PTPRD: variants seen among roughly 807,000 people sequenced by gnomAD.
PTPRD encodes the protein receptor-type tyrosine-protein phosphatase delta.
Under a neutral mutation model 214.5 loss-of-function variants are expected in PTPRD, and 34 were observed. The observed-to-expected ratio is 0.16, with a 90% CI of 0.12 to 0.21. PTPRD has a LOEUF of 0.21. Ranked by LOEUF, PTPRD falls within the 10% of genes least tolerant of loss-of-function variation. The probability of loss-of-function intolerance (pLI) is 1.00; values close to 1 mark genes in which losing one functional copy is unlikely to be tolerated. For synonymous variants in PTPRD, 1,128 were observed against 845.7 expected (o/e 1.33, Z -5.79); for missense variants, 2,545 against 2,398.7 (o/e 1.06, Z -1.27).
At chr9:9,003,910 CT>C (rs2099438626) in intron 11 of PTPRD, among the ~76,000 whole-genome samples, 1 of 152,078 alleles carries the variant, frequency 6.6e-6, no homozygotes, top group Non-Finnish European at 1.5e-5. Flanking sequence ...GATTTGTTGT[CT>C]TTTAAACAAA....
intron 17 of PTPRD, among the ~76,000 whole-genome samples, chr9:8,526,229 CT>C (rs1056567050): frequency 3.0e-5 from 4 of 133,778 alleles, no homozygotes; most frequent in East Asian, 2.2e-4. Flanking sequence ...AAAAAATGAT[CT>C]TTTTTTTTCT....
intron 8 of PTPRD, among the ~76,000 whole-genome samples, chr9:9,475,573 T>A (rs2094963322): frequency 6.6e-6 from 1 of 152,178 alleles, no homozygotes; most frequent in South Asian, 2.1e-4. Flanking sequence ...AACTCTCTTT[T>A]TTCTGTCACC....
At chr9:8,630,292 G>A (rs970258152) in intron 14 of PTPRD, among the ~76,000 whole-genome samples, 36 of 151,802 alleles carry the variant, frequency 2.4e-4, no homozygotes, top group Non-Finnish European at 1.2e-4. Flanking sequence ...GCAAGAGAAA[G>A]TGAACCTAAA....
At chr9:9,503,282 A>C (rs910211126) in intron 8 of PTPRD, among the ~76,000 whole-genome samples, 2 of 66,782 alleles carry the variant, frequency 3.0e-5, no homozygotes, top group Admixed American at 1.5e-4. Context: ...TACCAAAAAA[A>C]GTTTTTTTTT....
At chr9:9,509,153 G>A (rs903592931) in intron 8 of PTPRD, among the ~76,000 whole-genome samples, 4 of 151,646 alleles carry the variant, frequency 2.6e-5, no homozygotes, top group African/African-American at 9.7e-5. Flanking sequence ...GCAATACATG[G>A]AGGAAAAGCC....
intron 11 of PTPRD, among the ~76,000 whole-genome samples, chr9:8,791,629 G>A (rs929410512): frequency 2.0e-5 from 3 of 148,146 alleles, no homozygotes; most frequent in African/African-American, 7.5e-5. Context: ...CCAGTTTCAA[G>A]CGATTCTGGA....
chr9:10,549,667 T>G (rs1291504787), intron 2 of PTPRD, among the ~76,000 whole-genome samples: 2 of 152,130 alleles, frequency 1.3e-5, no homozygotes, highest in Non-Finnish European at 2.9e-5. Context: ...CTCCCTTCCT[T>G]AAGGAGATTC....
chr9:9,090,821 A>T (rs895516802), intron 10 of PTPRD: 3 of 732,248 alleles, frequency 4.1e-6, no homozygotes, highest in Admixed American at 1.9e-5. Flanking sequence ...TGACATCTCA[A>T]TGATATCTTA....
At position 8,795,793 on chromosome 9, in the gene PTPRD, T is replaced by C. The variant is rs139868958; in HGVS notation, c.-103-61847A>G. Among the ~76,000 whole-genome samples, 987 of 152,330 alleles carry C rather than the reference T, an allele frequency of 6.5e-3. 9 individuals are homozygous for C. Among genetic ancestry groups the C allele is most frequent in the African/African-American group, 0.022 (921 of 41,584 alleles). On this transcript the variant is annotated intron_variant, in intron 11 of 45. Transcript: ENST00000381196. Reference sequence around the variant, plus strand: ...AGTCAAAGTTATCTAAAGCAATCTATGCTACTGTTCACTATGTAACATATA... The same window carrying C: ...AGTCAAAGTTATCTAAAGCAATCTACGCTACTGTTCACTATGTAACATATA...
chr9:9,237,835 C>T (rs931539231), intron 9 of PTPRD, among the ~76,000 whole-genome samples: 4 of 152,080 alleles, frequency 2.6e-5, no homozygotes, highest in Non-Finnish European at 4.4e-5. Flanking sequence ...TTCTTGTTGC[C>T]ATGATTTTTG....
chr9:9,647,178 C>A (rs1421355904), intron 7 of PTPRD, among the ~76,000 whole-genome samples: 2 of 152,064 alleles, frequency 1.3e-5, no homozygotes, highest in African/African-American at 4.8e-5. Context: ...CATCTTTCCC[C>A]CCCCTCTTTC....
chr9:9,782,910 T>G (rs2154491533), intron 5 of PTPRD, among the ~76,000 whole-genome samples: 1 of 152,310 alleles, frequency 6.6e-6, no homozygotes, highest in East Asian at 1.9e-4. Flanking sequence ...CAGTACTTTA[T>G]AAATACATGT....
chr9:10,317,907 C>T (rs1258135408), intron 3 of PTPRD, among the ~76,000 whole-genome samples: 1 of 151,872 alleles, frequency 6.6e-6, no homozygotes, highest in African/African-American at 2.4e-5. Context: ...TCCTAAATTC[C>T]AGCTTCACTT....
intron 11 of PTPRD, among the ~76,000 whole-genome samples, chr9:8,894,364 A>AAT (rs2098584044): frequency 6.6e-6 from 1 of 151,614 alleles, no homozygotes; most frequent in African/African-American, 2.4e-5. Flanking sequence ...TCAAAAAAAA[A>AAT]AAAAAAAAAA....
intron 12 of PTPRD, among the ~76,000 whole-genome samples, chr9:8,723,653 AACCTAAAATC>A (rs1165210614): frequency 6.6e-6 from 1 of 152,214 alleles, no homozygotes; most frequent in African/African-American, 2.4e-5. Flanking sequence ...AGTTTCTATC[AACCTAAAATC>A]ACTGTAGATT....
chr9:8,511,044 G>A (rs985732067), intron 21 of PTPRD, among the ~76,000 whole-genome samples: 21 of 151,470 alleles, frequency 1.4e-4, no homozygotes, highest in Middle Eastern at 3.2e-3. Context: ...ATGTATAAAC[G>A]TAAATATTTA....
chr9:10,500,412 T>A, intron 2 of PTPRD, among the ~76,000 whole-genome samples: 1 of 152,022 alleles, frequency 6.6e-6, no homozygotes, highest in South Asian at 2.1e-4. Context: ...TTTTGTTAAT[T>A]TTTAATTTTT....
chr9:10,424,010 C>T lies in PTPRD; in HGVS notation c.-599-82993G>A, dbSNP rs554990277. 5.3e-5 allele frequency among the ~76,000 whole-genome samples: 8 copies of T among 151,950 alleles called. No individual in the cohort carries two copies. The East Asian group carries it at 7.8e-4, about 15-fold the overall frequency. On this transcript the variant is annotated intron_variant, in intron 2 of 45. Transcript: ENST00000381196. Reference sequence around the variant, plus strand: ...TTTTCAGAATTCAACAAATTAATTGCGGAAAGCTACTTCAGCGACTAAAAA... The same window carrying T: ...TTTTCAGAATTCAACAAATTAATTGTGGAAAGCTACTTCAGCGACTAAAAA...
intron 11 of PTPRD, among the ~76,000 whole-genome samples, chr9:8,986,091 G>A (rs1468546855): frequency 1.3e-5 from 2 of 151,994 alleles, no homozygotes; most frequent in African/African-American, 4.8e-5. Flanking sequence ...ATTCAGTTAT[G>A]CATGGATTAG....
Sources: allele counts gnomAD v4.1 joint callset (sites outside exome capture counted in the v4.1 genomes callset), GRCh38; gene constraint gnomAD v4.1.1; transcripts MANE v1.5; gene names NCBI Gene and HGNC (gene_info 2026-07-23, HGNC 2026-07-21).